The following RAB11A variants were observed in gnomAD, a reference collection of about 807,000 sequenced individuals.
The protein encoded by RAB11A is ras-related protein Rab-11A.
A neutral mutation model predicts 28.0 loss-of-function variants in RAB11A; 9 were observed. That is an observed-to-expected ratio of 0.32 (90% CI 0.19 to 0.56). The LOEUF (loss-of-function observed/expected upper bound fraction) is 0.56. RAB11A is among the 20% of genes least tolerant of loss of function. The pLI is 0.91. For synonymous variants in RAB11A, 85 were observed against 88.2 expected, an observed-to-expected ratio of 0.96 and a Z score of 0.20; for missense variants, 108 against 269.6, an observed-to-expected ratio of 0.40 and a Z score of 4.20.
intron 4 of RAB11A, among the ~76,000 whole-genome samples, chr15:65,880,898 G>T (rs1310437340): frequency 2.0e-5 from 3 of 152,056 alleles, no homozygotes; most frequent in Non-Finnish European, 4.4e-5. Context: ...CTTGACTTTT[G>T]TGACCTAAAG....
intron 4 of RAB11A, among the ~76,000 whole-genome samples, chr15:65,882,330 A>C (rs143828445): frequency 1.3e-5 from 2 of 152,332 alleles, no homozygotes; most frequent in Admixed American, 6.5e-5. Context: ...TGCCAGTGGA[A>C]GTGTGAATGC....
chr15:65,878,037 A>G (rs1329725114), intron 3 of RAB11A, 82 bp downstream of exon 3: 4 of 1,296,242 alleles, frequency 3.1e-6, no homozygotes, highest in Admixed American at 1.7e-5. Context: ...ATAGGTTATA[A>G]TAGTTTCAGA....
chr15:65,878,703 A>C (rs375027552), intron 3 of RAB11A, among the ~76,000 whole-genome samples: 2 of 152,130 alleles, frequency 1.3e-5, no homozygotes, highest in Middle Eastern at 3.2e-3. Context: ...AACAAACAAA[A>C]AAAGAGAGAA....
Position 65,887,803 on chromosome 15 carries a change from A to G in RAB11A, c.614A>G (p.Glu205Gly). The part of the protein sequence containing the change: ...VVPIHVPPTT[E>G]NKPKVQCCQN... Reference sequence around the variant, plus strand: ...CCTATTCATGTTCCACCAACCACTGAAAACAAGCCAAAGGTGCAGTGCTGT... The same window carrying G: ...CCTATTCATGTTCCACCAACCACTGGAAACAAGCCAAAGGTGCAGTGCTGT... The change falls in exon 5 of 5, where the codon GAA becomes GGA. Residue 205 changes from glutamate (E) to glycine (G), a missense_variant. Glu to Gly is a moderately conservative substitution (Grantham distance 98, BLOSUM62 -2). Coordinates refer to ENST00000261890, the MANE Select transcript of RAB11A (RefSeq NM_004663.5). 2 of 1,613,654 alleles carry G rather than the reference A, an allele frequency of 1.2e-6. No homozygotes were observed. The highest frequency in any genetic ancestry group is 1.7e-6 in the Non-Finnish European group (2 of 1,179,816).
At chr15:65,887,576 A>C in intron 4 of RAB11A, 125 bp from the exon 5 acceptor site, 1 of 873,718 alleles carries the variant, frequency 1.1e-6, no homozygotes. Context: ...CTTTAAATTT[A>C]TGTATTCTCT....
intron 4 of RAB11A, among the ~76,000 whole-genome samples, chr15:65,885,277 C>T (rs2078249461): frequency 6.6e-6 from 1 of 151,624 alleles, no homozygotes; most frequent in Non-Finnish European, 1.5e-5. Flanking sequence ...CGGGTGCCAC[C>T]CCACCTGGCT....
At chr15:65,887,619 T>A (rs2078263054) in intron 4 of RAB11A, 82 bp from the exon 5 acceptor site, 3 of 1,340,560 alleles carry the variant, frequency 2.2e-6, no homozygotes, top group Non-Finnish European at 3.0e-6. Flanking sequence ...GATGCAAATA[T>A]ATCTCCTACC....
intron 1 of RAB11A, among the ~76,000 whole-genome samples, chr15:65,872,668 A>G (rs926294753): frequency 2.6e-5 from 4 of 151,936 alleles, no homozygotes; most frequent in East Asian, 1.9e-4. Flanking sequence ...TCCTGACCTC[A>G]GGTGATCCGC....
intron 4 of RAB11A, among the ~76,000 whole-genome samples, chr15:65,882,025 T>C (rs115017336): frequency 0.011 from 1,638 of 152,208 alleles, 25 homozygotes; most frequent in African/African-American, 0.037. Context: ...CACTCCAGCC[T>C]TGTGGGCAGA....
intron 4 of RAB11A, among the ~76,000 whole-genome samples, chr15:65,882,678 C>T (rs986743491): frequency 6.6e-6 from 1 of 152,132 alleles, no homozygotes; most frequent in African/African-American, 2.4e-5. Context: ...GCATTCTTGA[C>T]ACCCATGAAT....
In RAB11A at chr15:65,891,751, T is replaced by A. The variant is rs1018549377; in HGVS notation, c.*3911T>A. 6.6e-6 allele frequency: 1 copy of A among 152,234 alleles called. No homozygotes were observed. The highest frequency in any genetic ancestry group is 2.4e-5 in the African/African-American group (1 of 41,462). 9.4% of individuals were successfully genotyped at this position (152,234 alleles called of 1,614,324 possible). On this transcript the variant is annotated 3_prime_UTR_variant, in exon 5 of 5. Coordinates refer to ENST00000261890, the MANE Select transcript of RAB11A (RefSeq NM_004663.5). ...GATTAAAATGGTGCCTTTATTTCCA[T>A]GTTTACTCCTTTAAATAAGATGAAA...
At chr15:65,884,578 GT>G (rs2078242918) in intron 4 of RAB11A, among the ~76,000 whole-genome samples, 1 of 152,148 alleles carries the variant, frequency 6.6e-6, no homozygotes, top group African/African-American at 2.4e-5. Flanking sequence ...TTTGAGCAGT[GT>G]TGGTGTGTTA....
In RAB11A at chr15:65,889,599, C is replaced by T. The variant is rs923097369; in HGVS notation, c.*1759C>T. 3 of 152,110 alleles carry T rather than the reference C, an allele frequency of 2.0e-5. No individual in the cohort carries two copies. Among genetic ancestry groups the T allele is most frequent in the African/African-American group, 7.2e-5 (3 of 41,408 alleles). 9.4% of individuals were successfully genotyped at this position (152,110 alleles called of 1,614,324 possible). A position where few individuals can be genotyped will look rare whatever the true frequency, so the allele number is the denominator to read the frequency against. ...TGTGAATTCAGCTTTGATTTTAGAA[C>T]TGCAGTTCAATTATGCTTTCCTTGG... On this transcript the variant is annotated 3_prime_UTR_variant, in exon 5 of 5. Transcript: ENST00000261890.
chr15:65,883,466 G>C (rs147908503), intron 4 of RAB11A, among the ~76,000 whole-genome samples: 158 of 152,272 alleles, frequency 1.0e-3, no homozygotes, highest in African/African-American at 3.7e-3. Context: ...CATATCAGCA[G>C]GTTTGTGATA....
Position 65,888,641 on chromosome 15 carries a change from AT to A in RAB11A, c.*803del, listed in dbSNP as rs1453264137. ...ATCTATAATAATTTCCAAGCGGTAG[AT>A]TATGTGGCATTTTATTGCTCAGGCA... On this transcript the variant is annotated 3_prime_UTR_variant, in exon 5 of 5. Transcript: ENST00000261890. 6.6e-6 allele frequency: 1 copy of A among 152,456 alleles called. No homozygotes were observed. Among genetic ancestry groups the A allele is most frequent in the Non-Finnish European group, 1.5e-5 (1 of 68,028 alleles). 9.4% of individuals were successfully genotyped at this position (152,456 alleles called of 1,614,324 possible).
chr15:65,872,585 C>G (rs2078168942), intron 1 of RAB11A, among the ~76,000 whole-genome samples: 1 of 151,994 alleles, frequency 6.6e-6, no homozygotes, highest in Non-Finnish European at 1.5e-5. Flanking sequence ...CAGGCATGGA[C>G]CACCACACCC....
In RAB11A at chr15:65,876,540, G is replaced by A. The variant is rs148121335; in HGVS notation, c.41-792G>A. Among the ~76,000 whole-genome samples the A allele has an allele frequency of 8.7e-4, 132 of 152,164 alleles. 1 individual carries two copies. The highest frequency in any genetic ancestry group is 3.0e-3 in the African/African-American group (125 of 41,500). On this transcript the variant is annotated intron_variant, in intron 1 of 4. Coordinates refer to ENST00000261890, the MANE Select transcript of RAB11A (RefSeq NM_004663.5). ...TCGAACTCTTGGCGTCAAGCAATCC[G>A]CCCACCTTGGCCTTCCAAAATGCTG...
intron 1 of RAB11A, among the ~76,000 whole-genome samples, chr15:65,871,647 A>G (rs1270395887): frequency 1.3e-5 from 2 of 152,202 alleles, no homozygotes; most frequent in Non-Finnish European, 2.9e-5. Flanking sequence ...AAGTATTTTA[A>G]CTTTTTGATT....
chr15:65,875,765 T>C (rs577603383), intron 1 of RAB11A, among the ~76,000 whole-genome samples: 2 of 152,386 alleles, frequency 1.3e-5, no homozygotes, highest in East Asian at 3.9e-4. Flanking sequence ...GAATGTATAA[T>C]GGACTCTCTT....
Sources: gnomAD v4.1 joint callset for allele counts (sites outside exome capture counted in the v4.1 genomes callset) on GRCh38, gnomAD v4.1.1 for gene constraint, MANE v1.5 for transcripts, NCBI Gene and HGNC (gene_info 2026-07-23, HGNC 2026-07-21) for gene names.